The following COP1 variants were observed in gnomAD, a reference collection of about 807,000 sequenced individuals.
COP1 encodes COP1 E3 ubiquitin ligase.
In COP1, 24 loss-of-function variants were observed where a neutral mutation model predicts 101.3. The observed-to-expected ratio is 0.24, with a 90% CI of 0.17 to 0.33. The LOEUF (loss-of-function observed/expected upper bound fraction) is 0.33, where lower values mean the gene tolerates loss of function less well. COP1 is among the 10% of genes least tolerant of loss of function. The pLI is 1.00. For missense variants in COP1, 663 were observed against 906.2 expected, an observed-to-expected ratio of 0.73 and a Z score of 3.45; for synonymous variants, 347 against 341.9, an observed-to-expected ratio of 1.01 and a Z score of -0.17.
chr1:176,088,674 A>G (rs1407833830), intron 9 of COP1, among the ~76,000 whole-genome samples: 1 of 152,150 alleles, frequency 6.6e-6, no homozygotes, highest in East Asian at 1.9e-4. Context: ...TACAACCTGG[A>G]ATTACTGGAA....
intron 6 of COP1, among the ~76,000 whole-genome samples, chr1:176,138,372 C>A (rs1192870959): frequency 6.6e-6 from 1 of 152,044 alleles, no homozygotes; most frequent in Non-Finnish European, 1.5e-5. Context: ...AGCCAGAAAA[C>A]CAGGGGAAAT....
chr1:176,181,393 A>G (rs1394477189), intron 2 of COP1, among the ~76,000 whole-genome samples: 3 of 149,332 alleles, frequency 2.0e-5, no homozygotes, highest in African/African-American at 7.4e-5. Context: ...AGGAAAGAGT[A>G]AATAATTATA....
chr1:176,024,685 G>T (rs548164816), intron 15 of COP1, among the ~76,000 whole-genome samples: 6 of 152,226 alleles, frequency 3.9e-5, no homozygotes, highest in Admixed American at 3.3e-4. Context: ...ATGATTCTAC[G>T]TGTAGAAAAC....
In COP1 at chr1:176,089,062, G is replaced by A. The variant is rs1324378902; in HGVS notation, c.1027-3172C>T. Among the ~76,000 whole-genome samples, 4 of 151,932 alleles carry A rather than the reference G, an allele frequency of 2.6e-5. No homozygotes were observed. In the South Asian group the frequency reaches 6.2e-4, roughly 24 times the overall value. ...TCACGCCTGTAATCCCAGCACTTTG[G>A]GAGGCCGAGGTGTGTGGATCACGAG... On this transcript the variant is annotated intron_variant, in intron 9 of 19. Transcript: ENST00000367669.
chr1:176,045,536 T>C (rs1291716553), intron 12 of COP1, among the ~76,000 whole-genome samples: 2 of 147,396 alleles, frequency 1.4e-5, no homozygotes, highest in Non-Finnish European at 3.0e-5. Context: ...AATTCTCTTT[T>C]AAAGCCAGTG....
intron 3 of COP1, among the ~76,000 whole-genome samples, chr1:176,169,270 G>T (rs1695667339): frequency 6.6e-6 from 1 of 151,990 alleles, no homozygotes. Context: ...TTGGTAAACG[G>T]TACATTCACT....
intron 2 of COP1, among the ~76,000 whole-genome samples, chr1:176,183,711 T>C (rs1698080542): frequency 6.6e-6 from 1 of 152,178 alleles, no homozygotes; most frequent in Non-Finnish European, 1.5e-5. Context: ...AACCCCAGTG[T>C]ATACTGATAG....
intron 18 of COP1, among the ~76,000 whole-genome samples, chr1:175,960,538 G>T (rs1302928382): frequency 6.6e-6 from 1 of 152,138 alleles, no homozygotes; most frequent in African/African-American, 2.4e-5. Context: ...AGACTATTAT[G>T]GAGGCTAAAA....
intron 18 of COP1, among the ~76,000 whole-genome samples, chr1:175,949,357 C>G (rs1649595764): frequency 6.6e-6 from 1 of 151,728 alleles, no homozygotes; most frequent in Non-Finnish European, 1.5e-5. Flanking sequence ...TTTTAGTGAC[C>G]TGAATGTAGA....
At chr1:176,090,723 C>T (rs1021921807) in intron 9 of COP1, among the ~76,000 whole-genome samples, 1 of 151,842 alleles carries the variant, frequency 6.6e-6, no homozygotes, top group African/African-American at 2.4e-5. Context: ...AGGATAAAAG[C>T]CAAGAAGACA....
At chr1:175,958,636 C>T (rs1427827781) in intron 18 of COP1, among the ~76,000 whole-genome samples, 1 of 151,356 alleles carries the variant, frequency 6.6e-6, no homozygotes, top group Non-Finnish European at 1.5e-5. Flanking sequence ...AAATGTTAAG[C>T]ATTACGTTAA....
intron 18 of COP1, among the ~76,000 whole-genome samples, chr1:175,963,921 C>T (rs1164329296): frequency 1.3e-5 from 2 of 152,146 alleles, no homozygotes; most frequent in South Asian, 2.1e-4. Flanking sequence ...TTTCATATTG[C>T]ACAATATTTG....
chr1:175,966,077 C>T (rs1006076208), intron 18 of COP1, among the ~76,000 whole-genome samples: 1 of 152,106 alleles, frequency 6.6e-6, no homozygotes, highest in African/African-American at 2.4e-5. Flanking sequence ...CTTTTTGTCC[C>T]TGACTTTTCT....
chr1:175,970,244 A>G (rs936902722), intron 18 of COP1, among the ~76,000 whole-genome samples: 3 of 152,222 alleles, frequency 2.0e-5, no homozygotes, highest in Non-Finnish European at 2.9e-5. Flanking sequence ...CCAAGGAGAT[A>G]AAATGGTTAA....
intron 15 of COP1, among the ~76,000 whole-genome samples, chr1:176,022,762 T>C (rs185982676): frequency 1.5e-3 from 228 of 152,286 alleles, no homozygotes; most frequent in African/African-American, 5.2e-3. Context: ...AGCTCATACC[T>C]AACCTCAATG....
chr1:176,073,111 G>GT (rs1266071384), intron 11 of COP1, among the ~76,000 whole-genome samples: 3 of 152,160 alleles, frequency 2.0e-5, no homozygotes, highest in South Asian at 2.1e-4. Flanking sequence ...TTCTATCTCA[G>GT]TTTTTTTCAT....
At chr1:176,064,313 T>A (rs760026202) in intron 11 of COP1, among the ~76,000 whole-genome samples, 7 of 152,214 alleles carry the variant, frequency 4.6e-5, no homozygotes, top group Non-Finnish European at 8.8e-5. Context: ...TTTTTAATAT[T>A]ATTTTTAAAG....
chr1:176,190,171 G>A (rs1698968284), intron 1 of COP1, among the ~76,000 whole-genome samples: 1 of 152,028 alleles, frequency 6.6e-6, no homozygotes, highest in Admixed American at 6.6e-5. Flanking sequence ...TTCAGATTCG[G>A]ATCTGTCTGC....
intron 14 of COP1, among the ~76,000 whole-genome samples, chr1:176,027,941 C>T (rs140413911): frequency 2.9e-4 from 43 of 150,254 alleles, no homozygotes; most frequent in African/African-American, 9.2e-4. Context: ...CAGTTCCACA[C>T]GGCTGAGGAG....
Sources: gnomAD v4.1 joint callset for allele counts (sites outside exome capture counted in the v4.1 genomes callset) on GRCh38, gnomAD v4.1.1 for gene constraint, MANE v1.5 for transcripts, NCBI Gene and HGNC (gene_info 2026-07-23, HGNC 2026-07-21) for gene names.